The following BMPER variants were observed in gnomAD, a reference collection of about 807,000 sequenced individuals.
The protein encoded by BMPER is BMP binding endothelial regulator, also known as BMP-binding endothelial regulator protein.
In BMPER, 45 loss-of-function variants were observed where a neutral mutation model predicts 87.3. That is an observed-to-expected ratio of 0.52 (90% CI 0.41 to 0.66). The LOEUF is 0.66. BMPER is among the 30% of genes least tolerant of loss of function. The probability of loss-of-function intolerance (pLI) is 0.00; values close to 1 mark genes in which losing one functional copy is unlikely to be tolerated. For synonymous variants in BMPER, 326 were observed against 316.2 expected, an observed-to-expected ratio of 1.03 and a Z score of -0.33; for missense variants, 784 against 867.5, an observed-to-expected ratio of 0.90 and a Z score of 1.21.
At chr7:34,078,577 C>T (rs1211538543) in intron 11 of BMPER, among the ~76,000 whole-genome samples, 1 of 152,034 alleles carries the variant, frequency 6.6e-6, no homozygotes, top group Non-Finnish European at 1.5e-5. Context: ...TTCTTCATTC[C>T]CTACGTTAAG....
At chr7:33,928,138 G>A (rs1323038230) in intron 2 of BMPER, among the ~76,000 whole-genome samples, 1 of 152,132 alleles carries the variant, frequency 6.6e-6, no homozygotes, top group Non-Finnish European at 1.5e-5. Flanking sequence ...AGCTGTTGGA[G>A]TCTCTTCTGT....
intron 6 of BMPER, among the ~76,000 whole-genome samples, chr7:33,987,569 G>A (rs926768767): frequency 1.3e-5 from 2 of 152,142 alleles, no homozygotes; most frequent in Non-Finnish European, 2.9e-5. Context: ...GAGAGGACAC[G>A]GCCTCCTTGA....
intron 3 of BMPER, among the ~76,000 whole-genome samples, chr7:33,941,239 T>G (rs1164468242): frequency 6.9e-6 from 1 of 144,166 alleles, no homozygotes; most frequent in Admixed American, 7.3e-5. Flanking sequence ...TATATTTATA[T>G]TATATACATT....
chr7:33,920,919 A>G (rs1784214537), intron 2 of BMPER, among the ~76,000 whole-genome samples: 2 of 152,274 alleles, frequency 1.3e-5, no homozygotes, highest in African/African-American at 4.8e-5. Context: ...TAATAGGTCA[A>G]CTACCGTTTA....
chr7:33,962,842 G>C (rs975555449), intron 3 of BMPER, among the ~76,000 whole-genome samples: 1 of 151,782 alleles, frequency 6.6e-6, no homozygotes, highest in African/African-American at 2.4e-5. Context: ...TTTACTGGTT[G>C]CTGCATATTT....
intron 3 of BMPER, among the ~76,000 whole-genome samples, chr7:33,958,941 TTC>T (rs1403152911): frequency 2.0e-5 from 3 of 152,152 alleles, no homozygotes; most frequent in Non-Finnish European, 4.4e-5. Flanking sequence ...CCTCATACTG[TTC>T]TCTCATGGTA....
Position 34,153,447 on chromosome 7 carries a change from A to G in BMPER, c.*174A>G, listed in dbSNP as rs1791236429. On this transcript the variant is annotated 3_prime_UTR_variant, in exon 15 of 15. Transcript: ENST00000649409. The stretch of plus-strand genomic sequence containing the variant: ...AAACATTGCATCATTTATATGAACT[A>G]TAGGGGGATTATTATATGTATATTT... 1.5e-6 allele frequency: 1 copy of G among 665,656 alleles called. No homozygotes were observed. The highest frequency in any genetic ancestry group is 1.8e-5 in the African/African-American group (1 of 55,008). The allele number at this position is 665,656 out of a possible 1,614,324, so 41.2% of individuals were successfully genotyped here.
intron 9 of BMPER, among the ~76,000 whole-genome samples, chr7:34,056,727 C>G (rs1050585266): frequency 1.3e-5 from 2 of 151,854 alleles, no homozygotes; most frequent in African/African-American, 4.8e-5. Context: ...AAGTGATTCT[C>G]CTGCCTCAGA....
rs550025291 is a variant in BMPER at position 34,050,151 on chromosome 7, G to T, written c.677-1710G>T. Among the ~76,000 whole-genome samples, 7 of 152,312 alleles carry T rather than the reference G, an allele frequency of 4.6e-5. No homozygotes were observed. In the South Asian group the frequency reaches 1.5e-3, roughly 32 times the overall value. On this transcript the variant is annotated intron_variant, in intron 7 of 14. Coordinates refer to ENST00000649409, the MANE Select transcript of BMPER (RefSeq NM_001365308.1). ...AGTTCAAGAGACTTAAGACCTGGGT[G>T]TGCACATAATACCTGCGTTAGTTGG...
chr7:34,129,715 A>G (rs1790531241), intron 13 of BMPER, among the ~76,000 whole-genome samples: 1 of 151,282 alleles, frequency 6.6e-6, no homozygotes, highest in African/African-American at 2.4e-5. Context: ...GCTTAGTTTT[A>G]TTTCAGTTCC....
chr7:34,125,661 A>G (rs1790382494), intron 13 of BMPER, among the ~76,000 whole-genome samples: 1 of 152,226 alleles, frequency 6.6e-6, no homozygotes. Context: ...TGCTCCCAGC[A>G]TGACAGAGAG....
chr7:34,151,864 A>G (rs1431925902), intron 14 of BMPER, among the ~76,000 whole-genome samples: 2 of 152,240 alleles, frequency 1.3e-5, no homozygotes, highest in Admixed American at 6.5e-5. Context: ...TTTGAATAGT[A>G]AGAGCTGATG....
chr7:34,144,402 T>C (rs1471878949), intron 14 of BMPER, among the ~76,000 whole-genome samples: 1 of 150,572 alleles, frequency 6.6e-6, no homozygotes, highest in African/African-American at 2.5e-5. Context: ...CTCTGATAGC[T>C]TGTAAGCAAG....
chr7:33,919,778 G>A (rs1303250930), intron 2 of BMPER, among the ~76,000 whole-genome samples: 1 of 152,182 alleles, frequency 6.6e-6, no homozygotes, highest in East Asian at 1.9e-4. Context: ...GAAGTTAGAT[G>A]TCTTTTATTG....
chr7:33,916,037 C>T (rs778581728), intron 2 of BMPER, among the ~76,000 whole-genome samples: 1 of 152,200 alleles, frequency 6.6e-6, no homozygotes, highest in Non-Finnish European at 1.5e-5. Context: ...GCTACTTCCA[C>T]CATTGAAGTG....
chr7:34,085,212 C>G (rs1273117799), intron 12 of BMPER, among the ~76,000 whole-genome samples: 1 of 152,060 alleles, frequency 6.6e-6, no homozygotes, highest in African/African-American at 2.4e-5. Flanking sequence ...ATCAGTGTTG[C>G]CTTTGAAGGG....
chr7:33,992,808 G>A (rs1406901884), intron 6 of BMPER, among the ~76,000 whole-genome samples: 1 of 138,622 alleles, frequency 7.2e-6, no homozygotes, highest in African/African-American at 2.7e-5. Context: ...TTTAGGGCAG[G>A]CCTGGTGGTG....
In BMPER at chr7:34,077,521, C is replaced by A. The variant is rs115075877; in HGVS notation, c.1079-1336C>A. On this transcript the variant is annotated intron_variant, in intron 11 of 14. Transcript: ENST00000649409. The stretch of plus-strand genomic sequence containing the variant: ...TTTCAAGTATTTGTTCATTGAAATT[C>A]TCATAAATGCCAAAACTTTTTCTTT... 5.9e-3 allele frequency among the ~76,000 whole-genome samples: 904 copies of A among 152,256 alleles called. 7 individuals carry two copies. Among genetic ancestry groups the A allele is most frequent in the African/African-American group, 0.02 (823 of 41,550 alleles).
At chr7:33,985,677 G>A (rs371204557) in intron 6 of BMPER, among the ~76,000 whole-genome samples, 23 of 150,614 alleles carry the variant, frequency 1.5e-4, no homozygotes, top group African/African-American at 5.6e-4. Context: ...TTGTTTTCAT[G>A]GCATTTGGCT....
Sources: gnomAD v4.1 joint callset for allele counts (sites outside exome capture counted in the v4.1 genomes callset) on GRCh38, gnomAD v4.1.1 for gene constraint, MANE v1.5 for transcripts, NCBI Gene and HGNC (gene_info 2026-07-23, HGNC 2026-07-21) for gene names.